The following NDUFV1 variants were observed in gnomAD, a reference collection of about 807,000 sequenced individuals.
NDUFV1 encodes NADH:ubiquinone oxidoreductase core subunit V1, also known as NADH dehydrogenase [ubiquinone] flavoprotein 1, mitochondrial.
NDUFV1 carries 41 observed loss-of-function variants against 48.7 expected under a neutral mutation model. The observed-to-expected ratio is 0.84, with a 90% CI of 0.66 to 1.09. The LOEUF (loss-of-function observed/expected upper bound fraction) is 1.09. Ranked by LOEUF, NDUFV1 falls within the 50% of genes least tolerant of loss-of-function variation. NDUFV1 has a pLI of 0.00. For synonymous variants in NDUFV1, 231 were observed against 259.1 expected, an observed-to-expected ratio of 0.89 and a Z score of 1.04; for missense variants, 580 against 645.4, an observed-to-expected ratio of 0.90 and a Z score of 1.10.
At chr11:67,607,739 G>T (rs1031878208) in intron 1 of NDUFV1, 102 of 333,588 alleles carry the variant, frequency 3.1e-4, no homozygotes, top group Non-Finnish European at 4.4e-4. Flanking sequence ...GCAGCTGTGG[G>T]TTTGGCCACC....
Position 67,608,438 on chromosome 11 carries a change from G to A in NDUFV1, c.115G>A (p.Asp39Asn). 1 of 1,614,178 alleles carries A rather than the reference G, an allele frequency of 6.2e-7. No individual in the cohort carries two copies. Among genetic ancestry groups the A allele is most frequent in the Non-Finnish European group, 8.5e-7 (1 of 1,180,026 alleles). Residue 39 changes from aspartate (D) to asparagine (N), a missense_variant, in exon 2 of 10, where the codon GAC (aspartate) becomes AAC (asparagine). By Grantham distance (23) the Asp-to-Asn change is conservative. Coordinates refer to ENST00000322776, the MANE Select transcript of NDUFV1 (RefSeq NM_007103.4). Reference protein sequence around the residue: ...KTSFGSLKDEDRIFTNLYGRH... With the variant: ...KTSFGSLKDENRIFTNLYGRH... ...CTCATTTGGCTCGCTGAAGGATGAA[G>A]ACCGGATTTTCACCAACCTGTACGG...
At chr11:67,610,708 C>G in intron 5 of NDUFV1, 138 bp downstream of exon 5, 1 of 1,240,296 alleles carries the variant, frequency 8.1e-7, no homozygotes, top group Non-Finnish European at 1.1e-6. Flanking sequence ...GGCAACAACA[C>G]ACAGGCTCCC....
intron 4 of NDUFV1, 198 bp downstream of exon 4, chr11:67,609,833 G>T: frequency 3.7e-6 from 2 of 539,556 alleles, no homozygotes. Context: ...TGCTGCTGGT[G>T]TAAATTTTTT....
Position 67,608,187 on chromosome 11 carries a change from C to G in NDUFV1, c.73-209C>G. ...TTTGCAGTGAGCTGAGATTACGCCA[C>G]TGCACTCCAGCCTAGGCAAAAGAGC... On this transcript the variant is annotated intron_variant, in intron 1 of 9. Transcript: ENST00000322776. 3.3e-6 allele frequency: 2 copies of G among 601,042 alleles called. 1 individual carries two copies. Among genetic ancestry groups the G allele is most frequent in the Non-Finnish European group, 5.9e-6 (2 of 339,676 alleles). The allele number at this position is 601,042 out of a possible 1,614,324, so 37.2% of individuals were successfully genotyped here.
intron 4 of NDUFV1, 151 bp downstream of exon 4, chr11:67,609,786 G>A (rs1854878751): frequency 5.7e-6 from 5 of 884,756 alleles, no homozygotes; most frequent in Non-Finnish European, 8.7e-6. Flanking sequence ...ATCCCAAATG[G>A]GACTTGGCTC....
In NDUFV1 at chr11:67,611,748, C is replaced by A; in HGVS notation, c.1081-149C>A. 1.5e-6 allele frequency: 2 copies of A among 1,374,654 alleles called. No individual in the cohort carries two copies. The highest frequency in any genetic ancestry group is 2.0e-6 in the Non-Finnish European group (2 of 991,250). 85.2% of individuals were successfully genotyped at this position (1,374,654 alleles called of 1,614,324 possible). ...GGAGAATACCCCGGAGTCTGGGCAG[C>A]ACAGGGGGCCCAGGGAGGCTGGAGG... On this transcript the variant is annotated intron_variant, in intron 7 of 9. Transcript: ENST00000322776. The surrounding 1 kb of genome is among the most constrained non-coding windows in gnomAD (Gnocchi z 4.2).
At chr11:67,609,951 CAA>C (rs1854880942) in intron 4 of NDUFV1, 1 of 377,478 alleles carries the variant, frequency 2.6e-6, no homozygotes, top group Non-Finnish European at 4.8e-6. Context: ...TGAATATAAA[CAA>C]TTCCTATTTG....
rs1356425774 is a variant in NDUFV1 at position 67,611,758 on chromosome 11, C to T, written c.1081-139C>T. 1.4e-6 allele frequency: 2 copies of T among 1,387,254 alleles called. No individual in the cohort carries two copies. The highest frequency in any genetic ancestry group is 2.9e-5 in the African/African-American group (2 of 70,084). 85.9% of individuals were successfully genotyped at this position (1,387,254 alleles called of 1,614,324 possible). On this transcript the variant is annotated intron_variant, in intron 7 of 9. Coordinates refer to ENST00000322776, the MANE Select transcript of NDUFV1 (RefSeq NM_007103.4). The surrounding 1 kb of genome is among the most constrained non-coding windows in gnomAD (Gnocchi z 4.2). The stretch of plus-strand genomic sequence containing the variant: ...CCGGAGTCTGGGCAGCACAGGGGGC[C>T]CAGGGAGGCTGGAGGAGGCCAGAAC...
rs1204109057 is a variant in NDUFV1, at chr11:67,611,698, A to C, written c.1080+129A>C. 1.4e-6 allele frequency: 2 copies of C among 1,447,472 alleles called. No homozygotes were observed. The highest frequency in any genetic ancestry group is 1.9e-6 in the Non-Finnish European group (2 of 1,061,244). The allele number at this position is 1,447,472 out of a possible 1,614,324, so 89.7% of individuals were successfully genotyped here. ...GCAGCCTGAGATAAAGCAAGGTGGA[A>C]GAGGAGGGAGGAAGGCTGCTCTGAG... On this transcript the variant is annotated intron_variant, in intron 7 of 9. Transcript: ENST00000322776. The surrounding 1 kb of genome is among the most constrained non-coding windows in gnomAD (Gnocchi z 4.2).
chr11:67,610,102 T>G, intron 4 of NDUFV1: 1 of 477,882 alleles, frequency 2.1e-6, no homozygotes, highest in Non-Finnish European at 3.7e-6. Flanking sequence ...GACTTTTATT[T>G]TTCCTTTACA....
In NDUFV1 at chr11:67,609,433, G is replaced by C. The variant is rs1282500615; in HGVS notation, c.327-19G>C. 1.2e-5 allele frequency: 19 copies of C among 1,612,850 alleles called. No individual in the cohort carries two copies. Among genetic ancestry groups the C allele is most frequent in the Non-Finnish European group, 1.6e-5 (19 of 1,179,750 alleles). ...GTCCTGATGGCCCTGTAGCCTGTCT[G>C]ACCTGTGGGCCCCTGCAGGCCCAAG... On this transcript the variant is annotated intron_variant, in intron 3 of 9. Coordinates refer to ENST00000322776, the MANE Select transcript of NDUFV1 (RefSeq NM_007103.4).
At chr11:67,610,126 A>T in intron 4 of NDUFV1, 1 of 555,348 alleles carries the variant, frequency 1.8e-6, no homozygotes, top group South Asian at 2.1e-5. Context: ...TAGGGTAGTT[A>T]GGAGACCTGA....
At position 67,612,146 on chromosome 11, in the gene NDUFV1, G is replaced by T. The variant is rs1445612877; in HGVS notation, c.1189G>T (p.Ala397Ser). ...TGTGGACTGGATGAACAAGGTGATG[G>T]CACGTTTCGTGAGGGGGGATGCCCG... Reference protein sequence around the residue: ...EGVDWMNKVMARFVRGDARPA... With the variant: ...EGVDWMNKVMSRFVRGDARPA... Residue 397 changes from alanine (A) to serine (S), a missense_variant, in exon 9 of 10, where the codon GCA (alanine) becomes TCA (serine). Ala to Ser is a moderately conservative substitution (Grantham distance 99). Transcript: ENST00000322776. The surrounding 1 kb of genome is among the most constrained non-coding windows in gnomAD (Gnocchi z 4.4). 1.2e-6 allele frequency: 2 copies of T among 1,613,742 alleles called. No individual in the cohort carries two copies. The highest frequency in any genetic ancestry group is 2.7e-5 in the African/African-American group (2 of 74,926).
Position 67,612,157 on chromosome 11 carries a change from G to A in NDUFV1, c.1200G>A (p.Val400=), listed in dbSNP as rs1308017654. The part of the protein sequence containing the change: ...DWMNKVMARF[V]RGDARPAEID... ...TGAACAAGGTGATGGCACGTTTCGT[G>A]AGGGGGGATGCCCGGCCGGCCGAGA... is the stretch of plus-strand genomic sequence containing the variant. The change falls in exon 9 of 10, where the codon GTG becomes GTA. Residue 400 remains valine (V), a synonymous_variant. Transcript: ENST00000322776. This position sits in a 1 kb window ranked among gnomAD's most constrained non-coding sequence, Gnocchi z 4.4. The A allele has an allele frequency of 4.3e-6, 7 of 1,613,466 alleles. No homozygotes were observed. The highest frequency in any genetic ancestry group is 1.6e-4 in the Middle Eastern group (1 of 6,062).
At position 67,610,515 on chromosome 11, in the gene NDUFV1, C is replaced by T. The variant is rs1282672354; in HGVS notation, c.645C>T (p.Ser215=). ...GAGAGGAGACAGCGCTCATCGAGTC[C>T]ATTGAGGGCAAGCAGGGCAAGCCCC... ...ICGEETALIE[S]IEGKQGKPRL... is the part of the protein sequence containing the mutation. Residue 215 remains serine (S), a synonymous_variant, in exon 5 of 10, where the codon TCC becomes TCT. Transcript: ENST00000322776. The T allele has an allele frequency of 1.2e-6, 2 of 1,614,192 alleles. No individual in the cohort carries two copies. Among genetic ancestry groups the T allele is most frequent in the East Asian group, 2.2e-5 (1 of 44,888 alleles).
At chr11:67,610,005 A>G in intron 4 of NDUFV1, 2 of 355,822 alleles carry the variant, frequency 5.6e-6, no homozygotes, top group South Asian at 3.6e-5. Flanking sequence ...TATGAATAAT[A>G]CTTATATCTG....
chr11:67,612,294 A>G lies in NDUFV1; in HGVS notation c.1308+29A>G, dbSNP rs758878950. 2.5e-6 allele frequency: 4 copies of G among 1,613,846 alleles called. No individual in the cohort carries two copies. In the East Asian group the frequency reaches 8.9e-5, roughly 36 times the overall value. ...TTCACCACCCTTCTGCGTAGCACGG[A>G]GGGTGGGTGGCATCAAGGGCCCAGG... On this transcript the variant is annotated intron_variant, in intron 9 of 9. Transcript: ENST00000322776. This position sits in a 1 kb window ranked among gnomAD's most constrained non-coding sequence, Gnocchi z 4.4.
Position 67,611,238 on chromosome 11 carries a change from G to A in NDUFV1, c.913+31G>A. The A allele has an allele frequency of 6.2e-7, 1 of 1,609,184 alleles. No individual in the cohort carries two copies. Among genetic ancestry groups the A allele is most frequent in the Non-Finnish European group, 8.5e-7 (1 of 1,176,022 alleles). On this transcript the variant is annotated intron_variant, in intron 6 of 9. Coordinates refer to ENST00000322776, the MANE Select transcript of NDUFV1 (RefSeq NM_007103.4). The surrounding 1 kb of genome is among the most constrained non-coding windows in gnomAD (Gnocchi z 4.2). ...GCCTGGGGCCAGCCAGGTGGTGGGG[G>A]GGTGCGCAGTGGGGGCAGGTGTCCA...
Position 67,608,594 on chromosome 11 carries a change from G to A in NDUFV1, c.198G>A (p.Lys66=), listed in dbSNP as rs543927798. The A allele has an allele frequency of 1.2e-6, 2 of 1,614,182 alleles. No individual in the cohort carries two copies. Among genetic ancestry groups the A allele is most frequent in the Admixed American group, 1.7e-5 (1 of 60,028 alleles). ...SLSRGDWYKT[K]EILLKGPDWI... is the part of the protein sequence containing the mutation. The stretch of plus-strand genomic sequence containing the variant: ...GTCGAGGTGACTGGTACAAGACAAA[G>A]GAGATCCTGCTGAAGGGGCCCGACT... Residue 66 remains lysine (K), a synonymous_variant, in exon 3 of 10, where the codon AAG becomes AAA. Transcript: ENST00000322776.
Sources: gnomAD v4.1 joint callset for allele counts on GRCh38, gnomAD v4.1.1 for gene constraint, Gnocchi (gnomAD v3.1) non-coding constraint, MANE v1.5 for transcripts, NCBI Gene and HGNC (gene_info 2026-07-23, HGNC 2026-07-21) for gene names.